The following PCDHGA6 variants were observed in gnomAD, a reference collection of about 807,000 sequenced individuals.
The protein encoded by PCDHGA6 is protocadherin gamma-A6.
In PCDHGA6, 41 loss-of-function variants were observed where a neutral mutation model predicts 60.6. That is an observed-to-expected ratio of 0.68 (90% CI 0.53 to 0.88). PCDHGA6 has a LOEUF of 0.88. Ranked by LOEUF, PCDHGA6 falls within the 40% of genes least tolerant of loss-of-function variation. The probability of loss-of-function intolerance (pLI) is 0.00; values close to 1 mark genes in which losing one functional copy is unlikely to be tolerated. For missense variants in PCDHGA6, 1,312 were observed against 1,203.0 expected (o/e 1.09, Z -1.34); for synonymous variants, 594 against 524.4 (o/e 1.13, Z -1.81).
rs763840734 is a variant in PCDHGA6, at chr5:141,428,113, T to C, written c.2424+51606T>C. The stretch of plus-strand genomic sequence containing the variant: ...CTGTCCTACCACGTGCTGCAGGCCA[T>C]CGAGCCCGGGCTTTTCAGCCTGGGG... On this transcript the variant is annotated intron_variant, in intron 1 of 3. Transcript: ENST00000517434. 1.0e-5 allele frequency: 16 copies of C among 1,607,374 alleles called. No homozygotes were observed. In the African/African-American group the frequency reaches 1.9e-4, roughly 19 times the overall value.
At position 141,490,376 on chromosome 5, in the gene PCDHGA6, CA is replaced by C; in HGVS notation, c.2425-4430del. 1 of 1,614,184 alleles carries C rather than the reference CA, an allele frequency of 6.2e-7. No individual in the cohort carries two copies. Among genetic ancestry groups the C allele is most frequent in the African/African-American group, 1.3e-5 (1 of 75,030 alleles). On this transcript the variant is annotated intron_variant, in intron 1 of 3. Coordinates refer to ENST00000517434, the MANE Select transcript of PCDHGA6 (RefSeq NM_018919.3). This position sits in a 1 kb window ranked among gnomAD's most constrained non-coding sequence, Gnocchi z 5.4. ...TTGTTTAATGTGCGAGACCGGGACTCAGGTAGAAATGGTGAAGTGAGCCTTG... is the reference window on the plus strand; with the variant it reads ...TTGTTTAATGTGCGAGACCGGGACTCGGTAGAAATGGTGAAGTGAGCCTTG...
rs769633110 is a variant in PCDHGA6 at position 141,374,076 on chromosome 5, A to G, written c.-8A>G. The G allele has an allele frequency of 3.3e-6, 5 of 1,514,538 alleles. No homozygotes were observed. The Admixed American group carries it at 9.2e-5, about 28-fold the overall frequency. 93.8% of individuals were successfully genotyped at this position (1,514,538 alleles called of 1,614,324 possible). A position where few individuals can be genotyped will look rare whatever the true frequency, so the allele number is the denominator to read the frequency against. ...CTTAATCCCAGAGAAGTTCCTAATA[A>G]GCCAGTAATGGCGCCTCCGCAGAGG... On this transcript the variant is annotated 5_prime_UTR_variant, in exon 1 of 4. Coordinates refer to ENST00000517434, the MANE Select transcript of PCDHGA6 (RefSeq NM_018919.3).
chr5:141,481,445 T>C (rs760413279), intron 1 of PCDHGA6, among the ~76,000 whole-genome samples: 2 of 152,260 alleles, frequency 1.3e-5, no homozygotes, highest in Non-Finnish European at 2.9e-5. Context: ...GTTTAGTACA[T>C]GTAAATACAC....
intron 1 of PCDHGA6, among the ~76,000 whole-genome samples, chr5:141,450,547 C>T (rs182695399): frequency 3.4e-4 from 51 of 150,496 alleles, no homozygotes; most frequent in African/African-American, 1.0e-3. Context: ...AATGCAGTGG[C>T]GCAGTCTCGG....
rs755602367 is a variant in PCDHGA6, at chr5:141,415,231, G to A, written c.2424+38724G>A. ...GGACCTCGGCAGCTTCGAGTCTCCA[G>A]CTAACTCTGAAACCTCAGACCTCAC... On this transcript the variant is annotated intron_variant, in intron 1 of 3. Transcript: ENST00000517434. 2.1e-5 allele frequency: 34 copies of A among 1,614,042 alleles called. No homozygotes were observed. The South Asian group carries it at 3.2e-4, about 15-fold the overall frequency.
chr5:141,414,000 A>T (rs759228883), intron 1 of PCDHGA6: 2 of 1,613,282 alleles, frequency 1.2e-6, no homozygotes, highest in African/African-American at 2.7e-5. Flanking sequence ...ACAGGGACGA[A>T]GGTGCCAATG....
chr5:141,386,620 C>T (rs73279071), intron 1 of PCDHGA6, among the ~76,000 whole-genome samples: 2 of 151,558 alleles, frequency 1.3e-5, no homozygotes, highest in Non-Finnish European at 2.9e-5. Context: ...CATGGAGTCT[C>T]GCTCTGTCAC....
chr5:141,405,225 C>T (rs2154536264), intron 1 of PCDHGA6: 4 of 1,614,082 alleles, frequency 2.5e-6, no homozygotes, highest in Non-Finnish European at 1.7e-6. Context: ...CAGGAGTTCT[C>T]CCTCACCGCT....
chr5:141,480,239 A>C (rs1320132415), intron 1 of PCDHGA6, among the ~76,000 whole-genome samples: 4 of 136,218 alleles, frequency 2.9e-5, no homozygotes, highest in African/African-American at 1.1e-4. Context: ...TCCTGTCTCT[A>C]CAAAAAAAAA....
In PCDHGA6 at chr5:141,426,967, T is replaced by C. The variant is rs151241654; in HGVS notation, c.2424+50460T>C. 124 of 456,702 alleles carry C rather than the reference T, an allele frequency of 2.7e-4. 1 individual carries two copies. The highest frequency in any genetic ancestry group is 2.1e-3 in the African/African-American group (103 of 50,178). 28.3% of individuals were successfully genotyped at this position (456,702 alleles called of 1,614,324 possible). A position where few individuals can be genotyped will look rare whatever the true frequency, so the allele number is the denominator to read the frequency against. On this transcript the variant is annotated intron_variant, in intron 1 of 3. Coordinates refer to ENST00000517434, the MANE Select transcript of PCDHGA6 (RefSeq NM_018919.3). ...CCAACTGGCACTGCTGCAATTCAAA[T>C]TGAGGTCACTGATGCCAACGATAAT... is the stretch of plus-strand genomic sequence containing the variant.
At chr5:141,421,192 C>G (rs758345796) in intron 1 of PCDHGA6, 22 of 1,491,716 alleles carry the variant, frequency 1.5e-5, no homozygotes, top group Non-Finnish European at 1.9e-5. Flanking sequence ...AACCAACCAG[C>G]TCGAGAAACC....
chr5:141,399,619 G>C (rs749025661), intron 1 of PCDHGA6: 1 of 1,613,902 alleles, frequency 6.2e-7, no homozygotes, highest in Non-Finnish European at 8.5e-7. Context: ...TCTGGCACTG[G>C]CCTCTTACGT....
chr5:141,466,754 C>G (rs1045917268), intron 1 of PCDHGA6, among the ~76,000 whole-genome samples: 2 of 152,138 alleles, frequency 1.3e-5, no homozygotes, highest in South Asian at 2.1e-4. Context: ...GATAGGGGCT[C>G]TTTTCAAACT....
At chr5:141,415,285 G>T in intron 1 of PCDHGA6, 1 of 1,614,216 alleles carries the variant, frequency 6.2e-7, no homozygotes. Flanking sequence ...GGTGGCCGCG[G>T]TCTCCTGCGT....
chr5:141,434,948 T>C (rs1486185815), intron 1 of PCDHGA6, among the ~76,000 whole-genome samples: 1 of 151,828 alleles, frequency 6.6e-6, no homozygotes, highest in East Asian at 1.9e-4. Flanking sequence ...ATATAATTTA[T>C]TAACAATTTA....
intron 1 of PCDHGA6, among the ~76,000 whole-genome samples, chr5:141,459,101 C>A (rs1021289352): frequency 6.6e-6 from 1 of 152,192 alleles, no homozygotes; most frequent in Non-Finnish European, 1.5e-5. Context: ...CAGTGCAATG[C>A]ATTTTGACAA....
chr5:141,416,449 G>A (rs938389094), intron 1 of PCDHGA6: 1 of 152,138 alleles, frequency 6.6e-6, no homozygotes, highest in Non-Finnish European at 1.5e-5. Context: ...AATATGGGTT[G>A]GGAAGACAGA....
intron 1 of PCDHGA6, chr5:141,404,766 C>T (rs1489047184): frequency 6.2e-7 from 1 of 1,613,940 alleles, no homozygotes; most frequent in East Asian, 2.2e-5. Flanking sequence ...GCTTGGCTCT[C>T]CTACCGCCTA....
Position 141,421,488 on chromosome 5 carries a change from G to A in PCDHGA6, c.2424+44981G>A. On this transcript the variant is annotated intron_variant, in intron 1 of 3. Transcript: ENST00000517434. ...ATCCGCGAAGCGGCAGCTTGATCAC[G>A]GCAGGCAGGATAGACCGGGAGGAGC... The A allele has an allele frequency of 1.9e-6, 3 of 1,614,100 alleles. No homozygotes were observed. In the South Asian group the frequency reaches 3.3e-5, roughly 18 times the overall value.
Sources: allele counts gnomAD v4.1 joint callset (sites outside exome capture counted in the v4.1 genomes callset), GRCh38; gene constraint gnomAD v4.1.1; non-coding constraint Gnocchi (gnomAD v3.1); transcripts MANE v1.5; gene names NCBI Gene and HGNC (gene_info 2026-07-23, HGNC 2026-07-21).